Variants in PFN4 observed in about 807,000 individuals in gnomAD.
PFN4 encodes the protein profilin-4.
Under a neutral mutation model 16.3 loss-of-function variants are expected in PFN4, and 10 were observed. That is an observed-to-expected ratio of 0.61 (90% confidence interval 0.38 to 1.04). PFN4 has a LOEUF of 1.04. Among genes scored for constraint, PFN4 ranks in the 50% least tolerant of loss-of-function variants. PFN4 has a pLI of 0.01. For missense variants in PFN4, 136 were observed against 153.6 expected, an observed-to-expected ratio of 0.89 and a Z score of 0.61; for synonymous variants, 54 against 56.9, an observed-to-expected ratio of 0.95 and a Z score of 0.23.
intron 1 of PFN4, chr2:24,122,876 TAAAATAA>T (rs1666165404): frequency 5.5e-6 from 1 of 183,128 alleles, no homozygotes. Flanking sequence ...AAAAACTCTG[TAAAATAA>T]AAAATAAAAA....
chr2:24,116,754 T>C (rs573673045), intron 4 of PFN4, among the ~76,000 whole-genome samples: 52 of 151,970 alleles, frequency 3.4e-4, no homozygotes, highest in African/African-American at 1.2e-3. Context: ...CTTGGGAGGC[T>C]GAGGCAGGAG....
chr2:24,115,729 T>C (rs1665893946), intron 4 of PFN4, 118 bp from the exon 5 acceptor site: 1 of 1,093,744 alleles, frequency 9.1e-7, no homozygotes, highest in Non-Finnish European at 1.4e-6. Flanking sequence ...TGCTAGGCAC[T>C]GTGCTAGGTA....
intron 2 of PFN4, 38 bp downstream of exon 2, chr2:24,122,381 G>T: frequency 7.4e-7 from 1 of 1,360,120 alleles, no homozygotes. Context: ...GAAATAATAA[G>T]TAAATCAAGT....
Position 24,122,503 on chromosome 2 carries a change from G to C in PFN4, c.33C>G (p.Thr11=), listed in dbSNP as rs1161649673. Residue 11 remains threonine, a synonymous_variant, in exon 2 of 5, where the codon ACC becomes ACG. Transcript: ENST00000313213. MSHLQSLLLD[T]LLGTKHVDSA... ...TGTCCACATGCTTGGTTCCCAAGAGGGTGTCTAACAATAAGCTCTGCAAAT... is the reference window on the plus strand; with the variant it reads ...TGTCCACATGCTTGGTTCCCAAGAGCGTGTCTAACAATAAGCTCTGCAAAT... 1 of 1,613,968 alleles carries C rather than the reference G, an allele frequency of 6.2e-7. No homozygotes were observed. The highest frequency in any genetic ancestry group is 1.3e-5 in the African/African-American group (1 of 75,008).
rs1455999337 is a variant in PFN4 at position 24,119,708 on chromosome 2, T to C, written c.256-26A>G. ...CTGTATAAAGAATATAAGAGAATAT[T>C]CTGCTCTTGGTTCTAATCACAGGAC... is the stretch of plus-strand genomic sequence containing the variant. On this transcript the variant is annotated intron_variant, in intron 3 of 4. Transcript: ENST00000313213. The C allele has an allele frequency of 2.5e-6, 4 of 1,570,512 alleles. No individual in the cohort carries two copies. The South Asian group carries it at 3.4e-5, about 13-fold the overall frequency.
intron 2 of PFN4, 87 bp downstream of exon 2, chr2:24,122,332 A>C (rs1234167120): frequency 9.4e-7 from 1 of 1,064,690 alleles, no homozygotes; most frequent in Non-Finnish European, 1.4e-6. Context: ...GTCTCAAAAA[A>C]AAAAAAAAGT....
Position 24,119,696 on chromosome 2 carries a change from ATAAGAGAAT to A in PFN4, c.256-23_256-15del. The A allele has an allele frequency of 6.3e-7, 1 of 1,589,260 alleles. No homozygotes were observed. Among genetic ancestry groups the A allele is most frequent in the African/African-American group, 1.3e-5 (1 of 74,662 alleles). On this transcript the variant is annotated splice_polypyrimidine_tract_variant and intron_variant, in intron 3 of 4. Coordinates refer to ENST00000313213, the MANE Select transcript of PFN4 (RefSeq NM_199346.3). ...ACCAGTGTTCTCCTGTATAAAGAAT[ATAAGAGAAT>A]ATTCTGCTCTTGGTTCTAATCACAG...
chr2:24,119,335 A>C (rs1463051949), intron 4 of PFN4, among the ~76,000 whole-genome samples: 1 of 152,234 alleles, frequency 6.6e-6, no homozygotes, highest in African/African-American at 2.4e-5. Context: ...GCTATGAGAC[A>C]GAACAAAGCT....
At chr2:24,122,733 T>A (rs1393244413) in intron 1 of PFN4, 186 bp from the exon 2 acceptor site, 3 of 471,888 alleles carry the variant, frequency 6.4e-6, no homozygotes, top group South Asian at 4.2e-5. Flanking sequence ...AACAGAATCA[T>A]AGAAAAATCA....
intron 4 of PFN4, among the ~76,000 whole-genome samples, chr2:24,117,947 A>G (rs1480201702): frequency 6.6e-6 from 1 of 152,188 alleles, no homozygotes; most frequent in Non-Finnish European, 1.5e-5. Flanking sequence ...TGGGATATTA[A>G]TGGCGTGATG....
In PFN4 at chr2:24,122,097, C is replaced by T. The variant is rs1666135651; in HGVS notation, c.117+322G>A. ...CTGTAATCCCAGCACTTTGGGAGGC[C>T]GAGGCAGGTGGATCACCTGAGGTTA... On this transcript the variant is annotated intron_variant, in intron 2 of 4. Coordinates refer to ENST00000313213, the MANE Select transcript of PFN4 (RefSeq NM_199346.3). Among the ~76,000 whole-genome samples the T allele has an allele frequency of 2.6e-5, 4 of 152,090 alleles. No homozygotes were observed. The South Asian group carries it at 8.3e-4, about 32-fold the overall frequency.
chr2:24,121,823 G>C (rs1206433788), intron 2 of PFN4, among the ~76,000 whole-genome samples: 1 of 152,192 alleles, frequency 6.6e-6, no homozygotes, highest in East Asian at 1.9e-4. Flanking sequence ...TGTGATCTCT[G>C]CACATGCTGG....
intron 4 of PFN4, among the ~76,000 whole-genome samples, chr2:24,117,814 T>A (rs891666567): frequency 2.6e-5 from 4 of 152,170 alleles, no homozygotes; most frequent in Non-Finnish European, 4.4e-5. Context: ...AATATTTTTT[T>A]AAAAAGGAGT....
intron 3 of PFN4, among the ~76,000 whole-genome samples, chr2:24,120,683 G>A (rs1183749061): frequency 6.6e-6 from 1 of 151,540 alleles, no homozygotes; most frequent in Non-Finnish European, 1.5e-5. Context: ...AGCCTCCCAA[G>A]TAGCTGGGAT....
chr2:24,122,731 CAT>C (rs953164043), intron 1 of PFN4, 184 bp from the exon 2 acceptor site: 14 of 475,704 alleles, frequency 2.9e-5, no homozygotes, highest in African/African-American at 2.3e-4. Context: ...AAAACAGAAT[CAT>C]AGAAAAATCA....
rs1298397885 is a variant in PFN4, at chr2:24,119,647, C to T, written c.291G>A (p.Leu97=). 3.1e-6 allele frequency: 5 copies of T among 1,613,630 alleles called. No homozygotes were observed. Among genetic ancestry groups the T allele is most frequent in the Non-Finnish European group, 4.2e-6 (5 of 1,179,744 alleles). The change falls in exon 4 of 5, where the codon CTG becomes CTA. Residue 97 remains leucine, a synonymous_variant. Transcript: ENST00000313213. ...CAGTGTAAGTTGCTACCAGAAGATA[C>T]AGATGGGTCTTCACGACAACCACAC... ...NTGVVVVKTH[L]YLLVATYTEG...
intron 4 of PFN4, 114 bp downstream of exon 4, chr2:24,119,463 T>A: frequency 1.4e-6 from 1 of 708,252 alleles, no homozygotes; most frequent in Non-Finnish European, 2.4e-6. Flanking sequence ...TCAGCATCCT[T>A]CCAATAAATT....
chr2:24,116,023 T>C (rs1209757118), intron 4 of PFN4, among the ~76,000 whole-genome samples: 1 of 152,058 alleles, frequency 6.6e-6, no homozygotes, highest in Non-Finnish European at 1.5e-5. Context: ...ATGTATTCTA[T>C]GACCTAGACT....
rs1666141950 is a variant in PFN4 at position 24,122,279 on chromosome 2, T to G, written c.117+140A>C. 6.1e-6 allele frequency: 4 copies of G among 660,898 alleles called. No individual in the cohort carries two copies. The East Asian group carries it at 1.1e-4, about 18-fold the overall frequency. The allele number at this position is 660,898 out of a possible 1,614,324, so 40.9% of individuals were successfully genotyped here. ...AGGCGGAGGTTGCAGTGAGCTGAGA[T>G]CATGCCATTGCATCCCAGGCTAAGC... On this transcript the variant is annotated intron_variant, in intron 2 of 4. Coordinates refer to ENST00000313213, the MANE Select transcript of PFN4 (RefSeq NM_199346.3).
Sources: allele counts gnomAD v4.1 joint callset (sites outside exome capture counted in the v4.1 genomes callset), GRCh38; gene constraint gnomAD v4.1.1; transcripts MANE v1.5; gene names NCBI Gene and HGNC (gene_info 2026-07-23, HGNC 2026-07-21).